The following PTP4A1 variants were observed in gnomAD, a reference collection of about 807,000 sequenced individuals.
PTP4A1 encodes the protein protein tyrosine phosphatase 4A1, also known as protein tyrosine phosphatase type IVA 1.
Under a neutral mutation model 20.5 loss-of-function variants are expected in PTP4A1, and 9 were observed. The observed-to-expected ratio is 0.44, with a 90% CI of 0.26 to 0.77. The LOEUF (loss-of-function observed/expected upper bound fraction) is 0.77, where lower values mean the gene tolerates loss of function less well. PTP4A1 is among the 30% of genes least tolerant of loss of function. PTP4A1 has a pLI of 0.19. For synonymous variants in PTP4A1, 78 were observed against 67.4 expected, an observed-to-expected ratio of 1.16 and a Z score of -0.77; for missense variants, 137 against 218.8, an observed-to-expected ratio of 0.63 and a Z score of 2.36.
chr6:63,530,991 TA>T (rs1396799599), intron 2 of PTP4A1, among the ~76,000 whole-genome samples: 1 of 152,224 alleles, frequency 6.6e-6, no homozygotes, highest in African/African-American at 2.4e-5. Context: ...CCTAGCTTTA[TA>T]ATTTCAACTA....
intron 2 of PTP4A1, among the ~76,000 whole-genome samples, chr6:63,550,012 T>C (rs1170580703): frequency 6.6e-6 from 1 of 152,204 alleles, no homozygotes; most frequent in African/African-American, 2.4e-5. Flanking sequence ...ACACACTAAT[T>C]ACTCTGATCT....
intron 2 of PTP4A1, among the ~76,000 whole-genome samples, chr6:63,544,645 A>G (rs965720192): frequency 6.6e-6 from 1 of 152,130 alleles, no homozygotes; most frequent in Non-Finnish European, 1.5e-5. Context: ...TATCTTCTAT[A>G]TGACCTTGAC....
intron 4 of PTP4A1, 72 bp from the exon 5 acceptor site, chr6:63,579,185 A>G: frequency 6.7e-7 from 1 of 1,483,748 alleles, no homozygotes; most frequent in Admixed American, 1.9e-5. Context: ...TGAGTTGGGG[A>G]ATGTTTGGAG....
At chr6:63,535,930 G>A (rs1562115193) in intron 2 of PTP4A1, among the ~76,000 whole-genome samples, 1 of 152,092 alleles carries the variant, frequency 6.6e-6, no homozygotes, top group Non-Finnish European at 1.5e-5. Flanking sequence ...GCGCCACCAT[G>A]CACAGCTAAT....
intron 3 of PTP4A1, among the ~76,000 whole-genome samples, chr6:63,562,701 G>A (rs1777015677): frequency 6.6e-6 from 1 of 152,168 alleles, no homozygotes; most frequent in Admixed American, 6.5e-5. Flanking sequence ...TGCTGTTATT[G>A]TAATCTATCA....
At chr6:63,555,322 T>A (rs903844012) in intron 3 of PTP4A1, among the ~76,000 whole-genome samples, 1 of 152,310 alleles carries the variant, frequency 6.6e-6, no homozygotes, top group Non-Finnish European at 1.5e-5. Flanking sequence ...GAGAGTTCCC[T>A]GGAAATTAGA....
upstream of PTP4A1, among the ~76,000 whole-genome samples, chr6:63,569,646 C>G (rs908148139): frequency 6.6e-6 from 1 of 152,188 alleles, no homozygotes; most frequent in African/African-American, 2.4e-5. Context: ...GAAAGCCCTG[C>G]CTATCGTGAT....
intron 2 of PTP4A1, among the ~76,000 whole-genome samples, chr6:63,546,102 G>C (rs1776170975): frequency 6.6e-6 from 1 of 151,996 alleles, no homozygotes; most frequent in African/African-American, 2.4e-5. Flanking sequence ...ATTCACAATA[G>C]CCAACAAATA....
upstream of PTP4A1, among the ~76,000 whole-genome samples, chr6:63,517,906 C>T (rs1188856632): frequency 6.6e-6 from 1 of 152,256 alleles, no homozygotes; most frequent in East Asian, 1.9e-4. Flanking sequence ...GCAATCCCAA[C>T]ACTTTGGGAG....
At chr6:63,529,534 C>A (rs1775361559) in intron 2 of PTP4A1, among the ~76,000 whole-genome samples, 1 of 152,128 alleles carries the variant, frequency 6.6e-6, no homozygotes, top group Non-Finnish European at 1.5e-5. Flanking sequence ...TCCTTTTCTA[C>A]CTCTCTCGCT....
chr6:63,576,318 C>T (rs1284697961), intron 1 of PTP4A1, 118 bp from the exon 2 acceptor site: 1 of 388,596 alleles, frequency 2.6e-6, no homozygotes, highest in Non-Finnish European at 4.5e-6. Context: ...GTCGATGAAG[C>T]GGCTCAGGCC....
At chr6:63,536,086 C>T (rs185059825) in intron 2 of PTP4A1, among the ~76,000 whole-genome samples, 50 of 148,706 alleles carry the variant, frequency 3.4e-4, no homozygotes, top group Middle Eastern at 6.8e-3. Flanking sequence ...AATCCCAGCA[C>T]TTTGGGAGGC....
chr6:63,566,298 C>T (rs1351246166), intron 3 of PTP4A1, among the ~76,000 whole-genome samples: 1 of 152,146 alleles, frequency 6.6e-6, no homozygotes, highest in East Asian at 1.9e-4. Flanking sequence ...TTGTGATGGA[C>T]AGCAAGAGAA....
At chr6:63,534,804 A>G (rs557363094) in intron 2 of PTP4A1, among the ~76,000 whole-genome samples, 1 of 146,488 alleles carries the variant, frequency 6.8e-6, no homozygotes, top group African/African-American at 2.8e-5. Flanking sequence ...TTAGTAAAGA[A>G]TTTCATAAAG....
chr6:63,536,161 G>A (rs557529356), intron 2 of PTP4A1, among the ~76,000 whole-genome samples: 6 of 152,144 alleles, frequency 3.9e-5, no homozygotes, highest in African/African-American at 7.2e-5. Flanking sequence ...ATGAAACCAC[G>A]TCTCTACCAA....
At chr6:63,537,861 CA>C (rs1483071283) in intron 2 of PTP4A1, among the ~76,000 whole-genome samples, 6 of 152,144 alleles carry the variant, frequency 3.9e-5, no homozygotes, top group African/African-American at 1.4e-4. Context: ...GCGAAAGGGC[CA>C]CGGCCGTAGT....
chr6:63,583,498 G>A lies in PTP4A1; in HGVS notation c.*3324G>A, dbSNP rs989489337. ...CTTCAATGAATTAAACCAGTGATAT[G>A]TGTTAACGTATGAATGAAAGGATTG... On this transcript the variant is annotated 3_prime_UTR_variant, in exon 6 of 6. Transcript: ENST00000626021. 8 of 152,186 alleles carry A rather than the reference G, an allele frequency of 5.3e-5. No individual in the cohort carries two copies. Among genetic ancestry groups the A allele is most frequent in the African/African-American group, 1.9e-4 (8 of 41,442 alleles). The allele number at this position is 152,186 out of a possible 1,614,324, so 9.4% of individuals were successfully genotyped here.
chr6:63,572,611 C>G lies in PTP4A1; in HGVS notation c.-554C>G. 2.4e-6 allele frequency: 1 copy of G among 419,418 alleles called. No homozygotes were observed. Among genetic ancestry groups the G allele is most frequent in the Non-Finnish European group, 4.1e-6 (1 of 243,196 alleles). 26.0% of individuals were successfully genotyped at this position (419,418 alleles called of 1,614,324 possible). On this transcript the variant is annotated 5_prime_UTR_variant, in exon 1 of 6. Coordinates refer to ENST00000626021, the MANE Select transcript of PTP4A1 (RefSeq NM_003463.5). ...CATCGCCGCCACCGCCGCTCCGCCACGACCACCGCCGCCTCCTGCCCTGCA... is the reference window on the plus strand; with the variant it reads ...CATCGCCGCCACCGCCGCTCCGCCAGGACCACCGCCGCCTCCTGCCCTGCA...
At chr6:63,563,673 G>C (rs1025606909) in intron 3 of PTP4A1, among the ~76,000 whole-genome samples, 9 of 152,168 alleles carry the variant, frequency 5.9e-5, no homozygotes, top group African/African-American at 1.9e-4. Flanking sequence ...AGAGTGCCTG[G>C]CATATGCTAG....
Sources: gnomAD v4.1 joint callset for allele counts (sites outside exome capture counted in the v4.1 genomes callset) on GRCh38, gnomAD v4.1.1 for gene constraint, MANE v1.5 for transcripts, NCBI Gene and HGNC (gene_info 2026-07-23, HGNC 2026-07-21) for gene names.